Variants in BMP8A observed in about 807,000 individuals in gnomAD.
BMP8A encodes the protein BMP-8A.
Under a neutral mutation model 36.8 loss-of-function variants are expected in BMP8A, and 14 were observed. The observed-to-expected ratio is 0.38, with a 90% CI of 0.25 to 0.60. The LOEUF (loss-of-function observed/expected upper bound fraction) is 0.60. Among genes scored for constraint, BMP8A ranks in the 20% least tolerant of loss-of-function variants. The pLI, the probability that BMP8A is intolerant of heterozygous loss-of-function variation, is 0.63. For missense variants in BMP8A, 267 were observed against 551.1 expected, an observed-to-expected ratio of 0.48 and a Z score of 5.16; for synonymous variants, 120 against 237.7, an observed-to-expected ratio of 0.50 and a Z score of 4.55.
chr1:39,494,883 C>G (rs370191491), intron 1 of BMP8A, among the ~76,000 whole-genome samples: 1 of 152,108 alleles, frequency 6.6e-6, no homozygotes, highest in African/African-American at 2.4e-5. Context: ...ACAAGCAGAT[C>G]GTTGTTAGTG....
At chr1:39,525,500 T>G in intron 6 of BMP8A, 149 bp from the exon 7 acceptor site, 1 of 1,167,296 alleles carries the variant, frequency 8.6e-7, no homozygotes, top group Non-Finnish European at 1.2e-6. Flanking sequence ...GCTGCTCTTA[T>G]TCCTGTTAAT....
intron 1 of BMP8A, among the ~76,000 whole-genome samples, chr1:39,503,998 T>A (rs923492206): frequency 2.0e-5 from 3 of 152,194 alleles, no homozygotes; most frequent in Non-Finnish European, 4.4e-5. Context: ...ATTTACAAAA[T>A]GAAAAATCGT....
rs1645515374 is a variant in BMP8A at position 39,529,572 on chromosome 1, T to C, written c.*3774T>C. On this transcript the variant is annotated 3_prime_UTR_variant, in exon 7 of 7. Coordinates refer to ENST00000331593, the MANE Select transcript of BMP8A (RefSeq NM_181809.4). ...CAAACAGTTGCCGCTCTCCACCCCC[T>C]GCTTTTTAAAAAAAATTTTTTCTCA... is the stretch of plus-strand genomic sequence containing the variant. Among the ~76,000 whole-genome samples the C allele has an allele frequency of 6.6e-6, 1 of 152,194 alleles. No individual in the cohort carries two copies. The highest frequency in any genetic ancestry group is 2.1e-4 in the South Asian group (1 of 4,832).
At position 39,526,772 on chromosome 1, in the gene BMP8A, T is replaced by C. The variant is rs1445323301; in HGVS notation, c.*974T>C. 6.6e-6 allele frequency among the ~76,000 whole-genome samples: 1 copy of C among 152,246 alleles called. No homozygotes were observed. Among genetic ancestry groups the C allele is most frequent in the East Asian group, 1.9e-4 (1 of 5,202 alleles). ...GTTCCCTCCACCATCTCTACCATGC[T>C]GACCCATTTGGGGCTCAGCACTGAG... On this transcript the variant is annotated 3_prime_UTR_variant, in exon 7 of 7. Transcript: ENST00000331593.
rs1645463038 is a variant in BMP8A, at chr1:39,524,561, C to T, written c.1060-1088C>T. Among the ~76,000 whole-genome samples the T allele has an allele frequency of 6.6e-6, 1 of 152,020 alleles. No homozygotes were observed. The highest frequency in any genetic ancestry group is 1.5e-5 in the Non-Finnish European group (1 of 67,996). On this transcript the variant is annotated intron_variant, in intron 6 of 6. Transcript: ENST00000331593. The surrounding 1 kb of genome is among the most constrained non-coding windows in gnomAD (Gnocchi z 4.0). ...AGCAGGCTGGCCCTAAGTTCAGGGCCAGCAGGGAGGAGAGGGGCTGGGTGC... is the reference window on the plus strand; with the variant it reads ...AGCAGGCTGGCCCTAAGTTCAGGGCTAGCAGGGAGGAGAGGGGCTGGGTGC...
At chr1:39,515,090 C>A (rs893172834) in intron 3 of BMP8A, 180 of 1,586,888 alleles carry the variant, frequency 1.1e-4, no homozygotes, top group Non-Finnish European at 2.0e-5. Flanking sequence ...TCTACGCGGA[C>A]CCGGTGGAGA....
At chr1:39,504,411 C>G (rs1306680471) in intron 1 of BMP8A, among the ~76,000 whole-genome samples, 1 of 152,304 alleles carries the variant, frequency 6.6e-6, no homozygotes, top group Admixed American at 6.5e-5. Flanking sequence ...GAGCAAAGGA[C>G]TCTGTGTCAT....
chr1:39,493,034 G>A lies in BMP8A; in HGVS notation c.334+709G>A, dbSNP rs146241979. ...CTGCAAACATCTTGTATCAAACCCTGGAGCTATTTATTCCTTAAGATCTCA... is the reference window on the plus strand; with the variant it reads ...CTGCAAACATCTTGTATCAAACCCTAGAGCTATTTATTCCTTAAGATCTCA... On this transcript the variant is annotated intron_variant, in intron 1 of 6. Coordinates refer to ENST00000331593, the MANE Select transcript of BMP8A (RefSeq NM_181809.4). Among the ~76,000 whole-genome samples, 1,040 of 152,316 alleles carry A rather than the reference G, an allele frequency of 6.8e-3. 11 individuals are homozygous for A. Among genetic ancestry groups the A allele is most frequent in the South Asian group, 0.04 (191 of 4,824 alleles).
At chr1:39,508,205 C>T (rs1180617120) in intron 1 of BMP8A, among the ~76,000 whole-genome samples, 1 of 150,384 alleles carries the variant, frequency 6.6e-6, no homozygotes, top group Non-Finnish European at 1.5e-5. Context: ...GAGCTGAAAT[C>T]GTGCCACTGC....
In BMP8A at chr1:39,525,687, C is replaced by T. The variant is rs781345970; in HGVS notation, c.1098C>T (p.Cys366=). 5 of 1,614,130 alleles carry T rather than the reference C, an allele frequency of 3.1e-6. No individual in the cohort carries two copies. The South Asian group carries it at 4.4e-5, about 14-fold the overall frequency. The change falls in exon 7 of 7, where the codon TGC becomes TGT. Residue 366 remains cysteine (C), a synonymous_variant. Transcript: ENST00000331593. ...LMKPNAVPKA[C]CAPTKLSATS... is the part of the protein sequence containing the mutation. Reference sequence around the variant, plus strand: ...AGCCAAACGCAGTCCCCAAGGCGTGCTGTGCACCCACCAAGCTGAGCGCCA... The same window carrying T: ...AGCCAAACGCAGTCCCCAAGGCGTGTTGTGCACCCACCAAGCTGAGCGCCA...
chr1:39,509,769 T>A (rs1260121362), intron 1 of BMP8A, among the ~76,000 whole-genome samples: 1 of 152,120 alleles, frequency 6.6e-6, no homozygotes, highest in African/African-American at 2.4e-5. Context: ...AGAGAGAATT[T>A]TTAAAAAGAC....
At position 39,524,671 on chromosome 1, in the gene BMP8A, G is replaced by T. The variant is rs1171580974; in HGVS notation, c.1060-978G>T. Among the ~76,000 whole-genome samples, 1 of 152,112 alleles carries T rather than the reference G, an allele frequency of 6.6e-6. No individual in the cohort carries two copies. Among genetic ancestry groups the T allele is most frequent in the Non-Finnish European group, 1.5e-5 (1 of 68,024 alleles). On this transcript the variant is annotated intron_variant, in intron 6 of 6. Coordinates refer to ENST00000331593, the MANE Select transcript of BMP8A (RefSeq NM_181809.4). The surrounding 1 kb of genome is among the most constrained non-coding windows in gnomAD (Gnocchi z 4.0). ...GGGCCTGGGGTTCCCTGGGAAGGAGGGTGGATTTTATTCCAAGCAACCCCA... is the reference window on the plus strand; with the variant it reads ...GGGCCTGGGGTTCCCTGGGAAGGAGTGTGGATTTTATTCCAAGCAACCCCA...
At position 39,526,309 on chromosome 1, in the gene BMP8A, A is replaced by G. The variant is rs1260890514; in HGVS notation, c.*511A>G. The stretch of plus-strand genomic sequence containing the variant: ...GCAGTTAGCATATTAGAAAAAGAAT[A>G]AGCTGGACATCCCCACGAAGCCACT... On this transcript the variant is annotated 3_prime_UTR_variant, in exon 7 of 7. Transcript: ENST00000331593. Among the ~76,000 whole-genome samples the G allele has an allele frequency of 6.6e-6, 1 of 151,470 alleles. No homozygotes were observed. Among genetic ancestry groups the G allele is most frequent in the African/African-American group, 2.4e-5 (1 of 41,206 alleles).
intron 1 of BMP8A, among the ~76,000 whole-genome samples, chr1:39,506,738 A>T (rs960698602): frequency 6.6e-6 from 1 of 152,112 alleles, no homozygotes; most frequent in African/African-American, 2.4e-5. Flanking sequence ...AGCACTTAGC[A>T]CATAGGCTAA....
At chr1:39,525,087 G>A (rs1168155305) in intron 6 of BMP8A, 3 of 155,194 alleles carry the variant, frequency 1.9e-5, no homozygotes, top group Non-Finnish European at 4.3e-5. Context: ...TCCAAGCTGA[G>A]CCAGGGGAGT....
chr1:39,522,537 AGT>A, intron 5 of BMP8A, 55 bp downstream of exon 5: 1 of 1,578,826 alleles, frequency 6.3e-7, no homozygotes, highest in Non-Finnish European at 8.6e-7. Flanking sequence ...GTAGATCAGA[AGT>A]GAATCTGCAG....
chr1:39,496,327 G>A (rs2268863), intron 1 of BMP8A, among the ~76,000 whole-genome samples: 68,105 of 141,032 alleles, frequency 0.48, 11,324 homozygotes, highest in South Asian at 0.6. Context: ...GGTAATTGTC[G>A]GGTGTGCTAG....
intron 1 of BMP8A, among the ~76,000 whole-genome samples, chr1:39,506,058 G>C (rs985136364): frequency 1.3e-5 from 2 of 151,918 alleles, no homozygotes; most frequent in Non-Finnish European, 2.9e-5. Context: ...GATCGGAGGG[G>C]CCCCGGGGAA....
At position 39,500,602 on chromosome 1, in the gene BMP8A, G is replaced by A. The variant is rs796839050; in HGVS notation, c.334+8277G>A. Among the ~76,000 whole-genome samples, 26 of 148,128 alleles carry A rather than the reference G, an allele frequency of 1.8e-4. 1 individual carries two copies. The highest frequency in any genetic ancestry group is 5.7e-4 in the African/African-American group (23 of 40,012). ...TTGTCTTATTCCATCTTGTGTTGCT[G>A]TAACAGACTCCCTAAGGCTGAGTAA... is the stretch of plus-strand genomic sequence containing the variant. On this transcript the variant is annotated intron_variant, in intron 1 of 6. Coordinates refer to ENST00000331593, the MANE Select transcript of BMP8A (RefSeq NM_181809.4).
Sources: allele counts gnomAD v4.1 joint callset (sites outside exome capture counted in the v4.1 genomes callset), GRCh38; gene constraint gnomAD v4.1.1; non-coding constraint Gnocchi (gnomAD v3.1); transcripts MANE v1.5; gene names NCBI Gene and HGNC (gene_info 2026-07-23, HGNC 2026-07-21).